The following RBM28 variants were observed in gnomAD, a reference collection of about 807,000 sequenced individuals.
RBM28 encodes RNA binding motif protein 28.
RBM28 carries 78 observed loss-of-function variants against 98.3 expected under a neutral mutation model. That is an observed-to-expected ratio of 0.79 (90% CI 0.66 to 0.96). The LOEUF (loss-of-function observed/expected upper bound fraction) is 0.96, where lower values mean the gene tolerates loss of function less well. Ranked by LOEUF, RBM28 falls within the 40% of genes least tolerant of loss-of-function variation. RBM28 has a pLI of 0.00. For missense variants in RBM28, 838 were observed against 913.0 expected (o/e 0.92, Z 1.06); for synonymous variants, 306 against 330.9 (o/e 0.92, Z 0.82).
chr7:128,321,104 T>C (rs527740376), intron 14 of RBM28, among the ~76,000 whole-genome samples, 162 bp downstream of exon 14: 1 of 152,340 alleles, frequency 6.6e-6, no homozygotes, highest in Non-Finnish European at 1.5e-5. Flanking sequence ...AGGAGGAGGT[T>C]GCAGTGAGTC....
intron 14 of RBM28, 133 bp from the exon 15 acceptor site, chr7:128,318,239 C>A (rs1166005465): frequency 6.5e-6 from 6 of 930,124 alleles, no homozygotes; most frequent in Admixed American, 4.1e-5. Flanking sequence ...AATCCTAGCA[C>A]CTTGGGAGGC....
intron 10 of RBM28, among the ~76,000 whole-genome samples, chr7:128,326,542 C>T (rs1194548900): frequency 6.6e-6 from 1 of 152,176 alleles, no homozygotes; most frequent in Admixed American, 6.5e-5. Context: ...TAACAACATG[C>T]TGTGCTGTAC....
intron 10 of RBM28, among the ~76,000 whole-genome samples, chr7:128,329,479 G>T (rs1452538313): frequency 6.6e-6 from 1 of 152,212 alleles, no homozygotes; most frequent in African/African-American, 2.4e-5. Context: ...GCTTAGAATG[G>T]AGGTAGGTTC....
chr7:128,335,795 G>T, intron 7 of RBM28, 52 bp downstream of exon 7: 1 of 1,613,802 alleles, frequency 6.2e-7, no homozygotes. Context: ...TTTCCTCTCG[G>T]AGACAATCTT....
chr7:128,338,800 C>T lies in RBM28; in HGVS notation c.374G>A (p.Cys125Tyr). ...TACTGTCTTCAAGTCATCTTCTGAA[C>T]ACTGAAGCCAAAAGTGAAGAAAGAA... ...RLIIRNLSFKCSEDDLKTVFA... is the reference protein window; with the variant it reads ...RLIIRNLSFKYSEDDLKTVFA... The change falls in exon 4 of 19, where the codon TGT becomes TAT. Residue 125 changes from cysteine to tyrosine, a missense_variant and splice_region_variant. Coordinates refer to ENST00000223073, the MANE Select transcript of RBM28 (RefSeq NM_018077.3). 6.2e-7 allele frequency: 1 copy of T among 1,605,514 alleles called. No homozygotes were observed.
At chr7:128,323,493 G>A (rs778246128) in intron 13 of RBM28, 34 bp downstream of exon 13, 35 of 1,610,774 alleles carry the variant, frequency 2.2e-5, no homozygotes, top group South Asian at 1.2e-4. Context: ...TATAGGCCAC[G>A]CAGAACGTGA....
intron 18 of RBM28, among the ~76,000 whole-genome samples, chr7:128,312,512 A>T (rs575676846): frequency 1.3e-5 from 2 of 152,368 alleles, no homozygotes; most frequent in South Asian, 4.1e-4. Flanking sequence ...GACACCACAA[A>T]GAAGCAAATG....
intron 1 of RBM28, among the ~76,000 whole-genome samples, chr7:128,343,149 A>C (rs995306413): frequency 1.6e-4 from 24 of 152,314 alleles, no homozygotes; most frequent in African/African-American, 5.3e-4. Flanking sequence ...TTCCTGGCAC[A>C]CAGTAGGTAT....
intron 9 of RBM28, among the ~76,000 whole-genome samples, chr7:128,331,678 A>G (rs1796483534): frequency 6.6e-6 from 1 of 152,152 alleles, no homozygotes; most frequent in Admixed American, 6.5e-5. Flanking sequence ...ACTAAGTTCA[A>G]AAAAAGACAA....
At chr7:128,341,382 A>G (rs1050320597) in intron 1 of RBM28, among the ~76,000 whole-genome samples, 5 of 152,256 alleles carry the variant, frequency 3.3e-5, no homozygotes, top group African/African-American at 1.2e-4. Flanking sequence ...TTTGACACCC[A>G]AATGAAAGGA....
chr7:128,315,054 G>T, intron 16 of RBM28, 34 bp from the exon 17 acceptor site: 2 of 1,614,026 alleles, frequency 1.2e-6, no homozygotes, highest in Non-Finnish European at 1.7e-6. Flanking sequence ...TCTGGTTTCT[G>T]GATGAGCTTT....
Position 128,310,515 on chromosome 7 carries a change from T to A in RBM28, c.*282A>T. 2.3e-6 allele frequency: 1 copy of A among 434,080 alleles called. No individual in the cohort carries two copies. Among genetic ancestry groups the A allele is most frequent in the East Asian group, 4.2e-5 (1 of 23,742 alleles). 26.9% of individuals were successfully genotyped at this position (434,080 alleles called of 1,614,324 possible). On this transcript the variant is annotated 3_prime_UTR_variant, in exon 19 of 19. Coordinates refer to ENST00000223073, the MANE Select transcript of RBM28 (RefSeq NM_018077.3). ...GTGTTTCCATTTGAGAAATAAAGAA[T>A]AAAAATTGGTAATAATTATAGACAC...
At chr7:128,320,016 G>A (rs1472860975) in intron 14 of RBM28, among the ~76,000 whole-genome samples, 4 of 152,010 alleles carry the variant, frequency 2.6e-5, no homozygotes, top group Admixed American at 1.3e-4. Flanking sequence ...TCAAGAGATC[G>A]AGACCATCTT....
chr7:128,339,433 T>A (rs1172924648), intron 2 of RBM28, 112 bp from the exon 3 acceptor site: 3 of 1,141,792 alleles, frequency 2.6e-6, no homozygotes, highest in Non-Finnish European at 3.8e-6. Flanking sequence ...CAGGGTTAAG[T>A]GTGGCAATAA....
chr7:128,341,012 C>T (rs1447123309), intron 1 of RBM28: 2 of 515,310 alleles, frequency 3.9e-6, no homozygotes, highest in African/African-American at 2.0e-5. Flanking sequence ...CAAATATCAA[C>T]TGTAACCCAC....
chr7:128,337,066 G>A, intron 6 of RBM28, 65 bp downstream of exon 6: 1 of 1,514,128 alleles, frequency 6.6e-7, no homozygotes, highest in East Asian at 2.3e-5. Flanking sequence ...GAACACAGGA[G>A]TTGTTTCAAT....
At chr7:128,343,127 G>T (rs1187956108) in intron 1 of RBM28, among the ~76,000 whole-genome samples, 1 of 152,112 alleles carries the variant, frequency 6.6e-6, no homozygotes, top group Admixed American at 6.6e-5. Context: ...GCATCCCCAG[G>T]ACCTACAACA....
intron 11 of RBM28, among the ~76,000 whole-genome samples, chr7:128,325,035 A>C (rs1385880790): frequency 6.6e-6 from 1 of 152,144 alleles, no homozygotes; most frequent in Non-Finnish European, 1.5e-5. Context: ...AAATAAAAAA[A>C]TAACAAAACA....
In RBM28 at chr7:128,321,264, A is replaced by G; in HGVS notation, c.1563+2T>C. ...TCCAAAATGGTCAGGGCCACGTCTC[A>G]CCTCCTTGATGCGCACCCCTTTCTC... On this transcript the variant is annotated splice_donor_variant, in intron 14 of 18. Coordinates refer to ENST00000223073, the MANE Select transcript of RBM28 (RefSeq NM_018077.3). LOFTEE classifies it high-confidence loss of function. The G allele has an allele frequency of 6.2e-7, 1 of 1,613,964 alleles. No homozygotes were observed. Among genetic ancestry groups the G allele is most frequent in the Non-Finnish European group, 8.5e-7 (1 of 1,179,950 alleles).
Sources: gnomAD v4.1 joint callset for allele counts (sites outside exome capture counted in the v4.1 genomes callset) on GRCh38, gnomAD v4.1.1 for gene constraint, MANE v1.5 for transcripts, NCBI Gene and HGNC (gene_info 2026-07-23, HGNC 2026-07-21) for gene names.